The following B3GALT1 variants were observed in gnomAD, a reference collection of about 807,000 sequenced individuals.
B3GALT1 encodes UDP-Gal:betaGlcNAc beta 1,3-galactosyltransferase, polypeptide 1.
B3GALT1 carries 10 observed loss-of-function variants against 23.2 expected under a neutral mutation model. That is an observed-to-expected ratio of 0.43 (90% CI 0.27 to 0.73). The LOEUF is 0.73. Among genes scored for constraint, B3GALT1 ranks in the 30% least tolerant of loss-of-function variants. B3GALT1 has a pLI of 0.21. For synonymous variants in B3GALT1, 156 were observed against 141.5 expected, an observed-to-expected ratio of 1.10 and a Z score of -0.73; for missense variants, 299 against 405.4, an observed-to-expected ratio of 0.74 and a Z score of 2.25.
chr2:167,410,192 C>T (rs1427382189), intron 1 of B3GALT1, among the ~76,000 whole-genome samples: 1 of 151,966 alleles, frequency 6.6e-6, no homozygotes, highest in Admixed American at 6.6e-5. Flanking sequence ...AACCAAACAC[C>T]CATTCTTCTC....
chr2:167,589,934 A>G (rs1326496190), intron 2 of B3GALT1, among the ~76,000 whole-genome samples: 1 of 152,162 alleles, frequency 6.6e-6, no homozygotes, highest in Non-Finnish European at 1.5e-5. Flanking sequence ...CATTTTATAT[A>G]GTATTCCTAT....
At chr2:167,790,773 TTCTG>T (rs1308914716) in intron 3 of B3GALT1, among the ~76,000 whole-genome samples, 2 of 152,212 alleles carry the variant, frequency 1.3e-5, no homozygotes, top group African/African-American at 2.4e-5. Context: ...TTCCTCCTTT[TTCTG>T]TCTAATTTGC....
intron 3 of B3GALT1, among the ~76,000 whole-genome samples, chr2:167,694,968 A>G (rs1686770229): frequency 6.6e-6 from 1 of 152,086 alleles, no homozygotes; most frequent in Admixed American, 6.6e-5. Context: ...GTATTACCCA[A>G]CACCTCCTGC....
intron 3 of B3GALT1, among the ~76,000 whole-genome samples, chr2:167,662,935 C>CT (rs34076551): frequency 1.1e-4 from 17 of 151,162 alleles, no homozygotes; most frequent in South Asian, 4.2e-4. Flanking sequence ...ATGTCACTTT[C>CT]TTTTTTTTTA....
intron 1 of B3GALT1, among the ~76,000 whole-genome samples, chr2:167,478,191 CA>C (rs1001259614): frequency 3.3e-5 from 5 of 152,178 alleles, no homozygotes; most frequent in Non-Finnish European, 2.9e-5. Context: ...TAGATTAATG[CA>C]AAGGAGTTTG....
intron 2 of B3GALT1, among the ~76,000 whole-genome samples, chr2:167,604,942 T>C (rs1437399795): frequency 6.6e-6 from 1 of 152,250 alleles, no homozygotes; most frequent in African/African-American, 2.4e-5. Flanking sequence ...TTCTCTGTCC[T>C]GCTTTTTATA....
intron 2 of B3GALT1, among the ~76,000 whole-genome samples, chr2:167,620,913 A>AT (rs1401317474): frequency 6.6e-6 from 1 of 151,916 alleles, no homozygotes; most frequent in Non-Finnish European, 1.5e-5. Flanking sequence ...ATAAATGCAA[A>AT]TTTTTTAACC....
chr2:167,523,220 T>C lies in B3GALT1; in HGVS notation c.-410+32943T>C, dbSNP rs564128384. Among the ~76,000 whole-genome samples the C allele has an allele frequency of 2.0e-5, 3 of 152,320 alleles. No homozygotes were observed. The East Asian group carries it at 5.8e-4, about 29-fold the overall frequency. On this transcript the variant is annotated intron_variant, in intron 2 of 4. Transcript: ENST00000392690. ...GTGTCAGATTTTTGGAAAGAACATC[T>C]TAATCTGAAAGAATGACTTCTATAA...
chr2:167,541,512 GTAAT>G (rs1683533604), intron 2 of B3GALT1, among the ~76,000 whole-genome samples: 4 of 152,078 alleles, frequency 2.6e-5, no homozygotes, highest in Non-Finnish European at 5.9e-5. Flanking sequence ...AAGATTTTAA[GTAAT>G]TCAGATTTTT....
At chr2:167,642,359 G>A (rs565138838) in intron 2 of B3GALT1, among the ~76,000 whole-genome samples, 1 of 152,256 alleles carries the variant, frequency 6.6e-6, no homozygotes, top group African/African-American at 2.4e-5. Flanking sequence ...AGTATAAAAA[G>A]TAAAAATTTT....
chr2:167,808,639 C>A (rs1558986135), intron 3 of B3GALT1, among the ~76,000 whole-genome samples: 1 of 151,572 alleles, frequency 6.6e-6, no homozygotes, highest in Non-Finnish European at 1.5e-5. Flanking sequence ...TGTAGAGTTT[C>A]TGCAGAGATA....
chr2:167,361,900 C>T (rs1697504903), intron 1 of B3GALT1, among the ~76,000 whole-genome samples: 1 of 151,992 alleles, frequency 6.6e-6, no homozygotes, highest in African/African-American at 2.4e-5. Flanking sequence ...ATGATGAAAC[C>T]CCATCTCTCC....
intron 3 of B3GALT1, among the ~76,000 whole-genome samples, chr2:167,661,360 A>T (rs1380010216): frequency 1.3e-5 from 2 of 152,032 alleles, no homozygotes; most frequent in Non-Finnish European, 2.9e-5. Flanking sequence ...CCCATTATGG[A>T]GCAGCTTTAA....
intron 1 of B3GALT1, among the ~76,000 whole-genome samples, chr2:167,404,070 C>T (rs2689851): frequency 0.94 from 142,582 of 152,102 alleles, 67,241 homozygotes; most frequent in Non-Finnish European, 0.99. Context: ...AGAAGCATGG[C>T]ACCAGCATCT....
intron 3 of B3GALT1, chr2:167,715,136 T>C (rs1324764949): frequency 1.2e-6 from 2 of 1,613,744 alleles, no homozygotes; most frequent in Non-Finnish European, 1.7e-6. Context: ...CAAAGCTCCT[T>C]TGGGAGGATC....
At chr2:167,361,731 C>T (rs1487017777) in intron 1 of B3GALT1, among the ~76,000 whole-genome samples, 1 of 152,080 alleles carries the variant, frequency 6.6e-6, no homozygotes, top group Non-Finnish European at 1.5e-5. Context: ...TTCCTGTTTC[C>T]TTGTTTATCT....
In B3GALT1 at chr2:167,515,910, T is replaced by G. The variant is rs1194003204; in HGVS notation, c.-410+25633T>G. Among the ~76,000 whole-genome samples the G allele has an allele frequency of 4.6e-5, 7 of 152,206 alleles. No individual in the cohort carries two copies. The East Asian group carries it at 9.7e-4, about 21-fold the overall frequency. On this transcript the variant is annotated intron_variant, in intron 2 of 4. Transcript: ENST00000392690. ...AATGACTTGTAAAAAACAACGTGAT[T>G]AGGTCACAACACAAACCTTCCTAAA...
chr2:167,416,850 T>G (rs1698478699), intron 1 of B3GALT1, among the ~76,000 whole-genome samples: 1 of 152,190 alleles, frequency 6.6e-6, no homozygotes, highest in African/African-American at 2.4e-5. Flanking sequence ...TCTTTCTGGG[T>G]TTCAGATTAG....
chr2:167,683,146 ATACTT>A (rs111879869), intron 3 of B3GALT1, among the ~76,000 whole-genome samples: 4 of 152,234 alleles, frequency 2.6e-5, no homozygotes, highest in Non-Finnish European at 2.9e-5. Flanking sequence ...GATTCCCTAA[ATACTT>A]TAAGCAGTTG....
Sources: gnomAD v4.1 joint callset for allele counts (sites outside exome capture counted in the v4.1 genomes callset) on GRCh38, gnomAD v4.1.1 for gene constraint, MANE v1.5 for transcripts, NCBI Gene and HGNC (gene_info 2026-07-23, HGNC 2026-07-21) for gene names.